Variants in ASXL1 observed in about 807,000 individuals in gnomAD.
ASXL1 encodes the protein ASXL transcriptional regulator 1, also known as polycomb group protein ASXL1.
ASXL1 carries 65 observed loss-of-function variants against 89.1 expected under a neutral mutation model. The ratio of observed to expected loss-of-function variants is 0.73; its 90% confidence interval spans 0.60 to 0.90. The LOEUF is 0.90. Ranked by LOEUF, ASXL1 falls within the 40% of genes least tolerant of loss-of-function variation. ASXL1 has a pLI of 0.00. For synonymous variants in ASXL1, 739 were observed against 746.9 expected, an observed-to-expected ratio of 0.99 and a Z score of 0.17; for missense variants, 1,786 against 1,942.9, an observed-to-expected ratio of 0.92 and a Z score of 1.52.
intron 4 of ASXL1, among the ~76,000 whole-genome samples, chr20:32,393,545 C>T (rs575017250): frequency 6.6e-6 from 1 of 152,124 alleles, no homozygotes; most frequent in Non-Finnish European, 1.5e-5. Context: ...GATCTCAGCT[C>T]ACTCCAACCT....
chr20:32,437,941 C>T lies in ASXL1; in HGVS notation c.*603C>T. On this transcript the variant is annotated 3_prime_UTR_variant, in exon 13 of 13. Coordinates refer to ENST00000375687, the MANE Select transcript of ASXL1 (RefSeq NM_015338.6). ...AAGCAAATTTGGAACTTTTCTGTCT[C>T]AGTGTGATCCACTAACCCACAGGAT... The T allele has an allele frequency of 4.2e-6, 1 of 239,104 alleles. No homozygotes were observed. The highest frequency in any genetic ancestry group is 2.2e-5 in the African/African-American group (1 of 45,502). 14.8% of individuals were successfully genotyped at this position (239,104 alleles called of 1,614,324 possible).
intron 4 of ASXL1, among the ~76,000 whole-genome samples, chr20:32,381,059 G>C (rs1440863508): frequency 6.6e-6 from 1 of 152,024 alleles, no homozygotes; most frequent in Non-Finnish European, 1.5e-5. Context: ...CCCAATCTTG[G>C]GTATACTTTA....
chr20:32,419,391 C>CG (rs1171593242), intron 4 of ASXL1, among the ~76,000 whole-genome samples: 1 of 151,492 alleles, frequency 6.6e-6, no homozygotes, highest in Non-Finnish European at 1.5e-5. Flanking sequence ...TTTTGTAGAG[C>CG]GGGGGTCTCC....
chr20:32,412,529 CA>C (rs1279377769), intron 4 of ASXL1, among the ~76,000 whole-genome samples: 1 of 152,056 alleles, frequency 6.6e-6, no homozygotes, highest in Non-Finnish European at 1.5e-5. Flanking sequence ...GTATCACAAC[CA>C]CTTCCTCTTT....
At chr20:32,425,662 T>C (rs2011255325) in intron 4 of ASXL1, among the ~76,000 whole-genome samples, 1 of 152,172 alleles carries the variant, frequency 6.6e-6, no homozygotes, top group African/African-American at 2.4e-5. Flanking sequence ...ACATCTTTTA[T>C]TTTTCTTCTG....
chr20:32,390,136 A>C (rs2048646698), intron 4 of ASXL1, among the ~76,000 whole-genome samples: 1 of 152,230 alleles, frequency 6.6e-6, no homozygotes, highest in African/African-American at 2.4e-5. Context: ...CCTACCTTAA[A>C]TGCACTTAGA....
chr20:32,415,569 CTT>C (rs2049124682), intron 4 of ASXL1, among the ~76,000 whole-genome samples: 1 of 152,214 alleles, frequency 6.6e-6, no homozygotes, highest in African/African-American at 2.4e-5. Context: ...CCTCTCAACT[CTT>C]GTCTGCAGTG....
intron 2 of ASXL1, 68 bp downstream of exon 2, chr20:32,366,534 A>C: frequency 6.2e-7 from 1 of 1,611,672 alleles, no homozygotes; most frequent in Non-Finnish European, 8.5e-7. Context: ...AGTTGTAGTG[A>C]TATGAGTAAG....
rs1330673911 is a variant in ASXL1, at chr20:32,428,427, G to A, written c.471+5G>A. 6.2e-7 allele frequency: 1 copy of A among 1,605,402 alleles called. No homozygotes were observed. The highest frequency in any genetic ancestry group is 8.5e-7 in the Non-Finnish European group (1 of 1,172,370). ...AGCTACAGAGCTTCCTCACAGGTAA[G>A]GAAGAGGTAGAGCCTAGCCTGGGAG... On this transcript the variant is annotated splice_donor_5th_base_variant and intron_variant, in intron 6 of 12. Transcript: ENST00000375687.
chr20:32,392,573 C>T (rs2048692109), intron 4 of ASXL1, among the ~76,000 whole-genome samples: 1 of 149,058 alleles, frequency 6.7e-6, no homozygotes, highest in Admixed American at 6.6e-5. Context: ...GCAGATCACG[C>T]CTGTGCTGGG....
At chr20:32,428,562 T>A in intron 6 of ASXL1, 140 bp downstream of exon 6, 2 of 805,270 alleles carry the variant, frequency 2.5e-6, no homozygotes, top group Non-Finnish European at 2.1e-6. Context: ...TAGTAGCATT[T>A]AACAGGGGGC....
intron 4 of ASXL1, among the ~76,000 whole-genome samples, chr20:32,404,647 ATTGACT>A (rs2048925857): frequency 6.6e-6 from 1 of 152,018 alleles, no homozygotes; most frequent in African/African-American, 2.4e-5. Flanking sequence ...TTCTTGCTTG[ATTGACT>A]AGCTGGGACT....
At position 32,435,305 on chromosome 20, in the gene ASXL1, G is replaced by T. The variant is rs147895689; in HGVS notation, c.2593G>T (p.Glu865Ter). 2 of 1,614,196 alleles carry T rather than the reference G, an allele frequency of 1.2e-6. No individual in the cohort carries two copies. Among genetic ancestry groups the T allele is most frequent in the Non-Finnish European group, 1.7e-6 (2 of 1,180,036 alleles). The change falls in exon 13 of 13, where the codon GAA becomes TAA. Residue 865 changes from glutamate (E) to a stop codon, truncating the protein, a stop_gained. Transcript: ENST00000375687. LOFTEE classifies it low-confidence loss of function (END_TRUNC). ...CCTGCAGAACAGAGCATTTGATGAC[G>T]AATTAGGGCTTGGTGGCTCATGCCC... is the stretch of plus-strand genomic sequence containing the variant. ...DCLQNRAFDD[E>*]LGLGGSCPPM...
At chr20:32,364,643 A>AC (rs1287423773) in intron 1 of ASXL1, among the ~76,000 whole-genome samples, 5 of 152,046 alleles carry the variant, frequency 3.3e-5, no homozygotes, top group African/African-American at 1.2e-4. Context: ...GCAGCAAGTG[A>AC]CCCTCCTGCC....
rs190444022 is a variant in ASXL1 at position 32,361,728 on chromosome 20, C to T, written c.57+2896C>T. Among the ~76,000 whole-genome samples, 1,109 of 151,630 alleles carry T rather than the reference C, an allele frequency of 7.3e-3. 6 individuals carry two copies. The highest frequency in any genetic ancestry group is 0.011 in the Non-Finnish European group (719 of 67,918). ...TGTGTGTTTTTTGTTTTAGAATTTT[C>T]CATTTCTTTGAATGGGACTGGATGG... On this transcript the variant is annotated intron_variant, in intron 1 of 12. Transcript: ENST00000375687.
chr20:32,386,059 CTTG>C (rs760766090), intron 4 of ASXL1, among the ~76,000 whole-genome samples: 72 of 152,304 alleles, frequency 4.7e-4, no homozygotes, highest in Non-Finnish European at 8.4e-4. Context: ...CCAAACCTTA[CTTG>C]TTATCACAAG....
intron 4 of ASXL1, among the ~76,000 whole-genome samples, chr20:32,378,632 G>GT (rs1281417847): frequency 6.6e-6 from 1 of 152,014 alleles, no homozygotes; most frequent in Non-Finnish European, 1.5e-5. Flanking sequence ...GATTTGTATT[G>GT]TTTTTTTACA....
chr20:32,392,392 C>T (rs1451762414), intron 4 of ASXL1, among the ~76,000 whole-genome samples: 1 of 151,582 alleles, frequency 6.6e-6, no homozygotes, highest in African/African-American at 2.4e-5. Context: ...AAGCAATTCT[C>T]CTGCCTCAGT....
intron 1 of ASXL1, chr20:32,359,741 C>A: frequency 1.4e-6 from 1 of 718,122 alleles, no homozygotes. Flanking sequence ...CCGTCTCGTT[C>A]AACCGATGGG....
Sources: gnomAD v4.1 joint callset for allele counts (sites outside exome capture counted in the v4.1 genomes callset) on GRCh38, gnomAD v4.1.1 for gene constraint, MANE v1.5 for transcripts, NCBI Gene and HGNC (gene_info 2026-07-23, HGNC 2026-07-21) for gene names.